FSTL5: variants seen among roughly 807,000 people sequenced by gnomAD.
The protein encoded by FSTL5 is follistatin like 5.
In FSTL5, 62 loss-of-function variants were observed where a neutral mutation model predicts 89.1. The observed-to-expected ratio is 0.70, with a 90% confidence interval of 0.57 to 0.86. The LOEUF (loss-of-function observed/expected upper bound fraction) is 0.86. FSTL5 is among the 40% of genes least tolerant of loss of function. The probability of loss-of-function intolerance (pLI) is 0.00; values close to 1 mark genes in which losing one functional copy is unlikely to be tolerated. For synonymous variants in FSTL5, 383 were observed against 346.2 expected, an observed-to-expected ratio of 1.11 and a Z score of -1.18; for missense variants, 1,057 against 1,001.6, an observed-to-expected ratio of 1.06 and a Z score of -0.75.
chr4:161,890,185 A>T (rs1364720955), intron 4 of FSTL5, among the ~76,000 whole-genome samples: 2 of 152,142 alleles, frequency 1.3e-5, no homozygotes, highest in African/African-American at 4.8e-5. Context: ...AATAGGGATA[A>T]AAGAAAGGAA....
At chr4:161,601,767 G>C (rs1021469933) in intron 7 of FSTL5, among the ~76,000 whole-genome samples, 1 of 152,008 alleles carries the variant, frequency 6.6e-6, no homozygotes, top group Non-Finnish European at 1.5e-5. Flanking sequence ...AAAGGAATAA[G>C]TACATTGTAA....
intron 4 of FSTL5, among the ~76,000 whole-genome samples, chr4:161,906,824 T>C (rs934113878): frequency 6.6e-6 from 1 of 152,128 alleles, no homozygotes; most frequent in Non-Finnish European, 1.5e-5. Flanking sequence ...TAGAATTACA[T>C]GGAAAGGGCA....
intron 6 of FSTL5, among the ~76,000 whole-genome samples, chr4:161,749,724 G>A (rs751584938): frequency 8.8e-4 from 133 of 151,952 alleles, no homozygotes; most frequent in Non-Finnish European, 1.5e-3. Flanking sequence ...CCCGACAGGC[G>A]GAGCTTGCAG....
At chr4:161,406,385 G>A (rs576514251) in intron 15 of FSTL5, among the ~76,000 whole-genome samples, 83 of 152,092 alleles carry the variant, frequency 5.5e-4, no homozygotes, top group African/African-American at 1.9e-3. Flanking sequence ...GATACTTTGC[G>A]TAATTTCAAT....
intron 6 of FSTL5, among the ~76,000 whole-genome samples, chr4:161,752,226 C>CAGATAGAT (rs74281503): frequency 0.045 from 6,301 of 138,992 alleles, 149 homozygotes; most frequent in East Asian, 0.066. Flanking sequence ...GATAGATGGA[C>CAGATAGAT]AGATAGATAG....
At chr4:161,942,073 G>C (rs1255228903) in intron 3 of FSTL5, among the ~76,000 whole-genome samples, 1 of 151,790 alleles carries the variant, frequency 6.6e-6, no homozygotes, top group Admixed American at 6.6e-5. Flanking sequence ...GAGATATTAG[G>C]AAATACTTAG....
chr4:162,083,737 T>C (rs1207326768), intron 2 of FSTL5, among the ~76,000 whole-genome samples: 2 of 151,778 alleles, frequency 1.3e-5, no homozygotes, highest in African/African-American at 2.4e-5. Context: ...CATGTAAAAC[T>C]TTAAGAAATC....
chr4:161,985,442 T>G (rs1407944616), intron 3 of FSTL5, among the ~76,000 whole-genome samples: 1 of 152,072 alleles, frequency 6.6e-6, no homozygotes, highest in Admixed American at 6.6e-5. Context: ...TTTACCCAAT[T>G]ATTCCATCTA....
chr4:161,541,516 C>A (rs921527063), intron 9 of FSTL5, among the ~76,000 whole-genome samples: 7 of 152,044 alleles, frequency 4.6e-5, no homozygotes, highest in Admixed American at 2.6e-4. Context: ...ATGTGTCTGA[C>A]CTACGTATGC....
intron 3 of FSTL5, among the ~76,000 whole-genome samples, chr4:161,974,765 A>T (rs1735585028): frequency 7.2e-6 from 1 of 139,242 alleles, no homozygotes; most frequent in Non-Finnish European, 1.5e-5. Context: ...ATCTAATTAA[A>T]CTAAAGAGCT....
intron 7 of FSTL5, among the ~76,000 whole-genome samples, chr4:161,629,608 G>A (rs776281444): frequency 4.6e-5 from 7 of 152,126 alleles, no homozygotes; most frequent in Non-Finnish European, 1.0e-4. Flanking sequence ...GCCTCTGAAA[G>A]TGCTGGGATT....
chr4:161,842,446 G>A (rs977541634), intron 4 of FSTL5, among the ~76,000 whole-genome samples: 3 of 152,062 alleles, frequency 2.0e-5, no homozygotes. Context: ...CTCTTTATAT[G>A]TGATAAATAT....
chr4:161,789,407 A>T (rs955976822), intron 4 of FSTL5, among the ~76,000 whole-genome samples: 1 of 152,054 alleles, frequency 6.6e-6, no homozygotes, highest in African/African-American at 2.4e-5. Flanking sequence ...GTATTTTATT[A>T]CCCTATAAAT....
intron 6 of FSTL5, among the ~76,000 whole-genome samples, chr4:161,713,948 C>G (rs960936418): frequency 6.6e-6 from 1 of 152,140 alleles, no homozygotes; most frequent in Non-Finnish European, 1.5e-5. Context: ...TTTACACTTT[C>G]AATTAGTATT....
At chr4:162,008,366 TA>T (rs1446020786) in intron 3 of FSTL5, among the ~76,000 whole-genome samples, 1 of 151,916 alleles carries the variant, frequency 6.6e-6, no homozygotes, top group Non-Finnish European at 1.5e-5. Context: ...TAAGATCTAC[TA>T]CTATACTTAT....
At chr4:161,719,545 A>C (rs778022078) in intron 6 of FSTL5, among the ~76,000 whole-genome samples, 1 of 152,198 alleles carries the variant, frequency 6.6e-6, no homozygotes, top group Non-Finnish European at 1.5e-5. Context: ...TAGAAATTTC[A>C]CTGAATCTGT....
intron 8 of FSTL5, among the ~76,000 whole-genome samples, chr4:161,579,405 A>T (rs917670375): frequency 6.6e-6 from 1 of 152,164 alleles, no homozygotes; most frequent in African/African-American, 2.4e-5. Context: ...AGTCAGTACA[A>T]AAAAGGAAAT....
At chr4:161,653,886 C>T (rs964952082) in intron 7 of FSTL5, among the ~76,000 whole-genome samples, 22 of 152,074 alleles carry the variant, frequency 1.4e-4, no homozygotes, top group Admixed American at 1.4e-3. Flanking sequence ...TTTTGAGAAG[C>T]TGATAGTTCT....
rs76446638 is a variant in FSTL5, at chr4:161,874,609, A to G, written c.409+45795T>C. Among the ~76,000 whole-genome samples the G allele has an allele frequency of 1.3e-3, 162 of 127,570 alleles. 5 individuals carry two copies. In the East Asian group the frequency reaches 0.033, roughly 26 times the overall value. The allele number at this position is 127,570 out of a possible 152,430, so 83.7% of individuals were successfully genotyped here. A position where few individuals can be genotyped will look rare whatever the true frequency, so the allele number is the denominator to read the frequency against. ...TTTCTTACTCTATTTTTCTTCTCTC[A>G]GAATCTTTGATGATTTCCATCTCTT... On this transcript the variant is annotated intron_variant, in intron 4 of 15. Transcript: ENST00000306100.
Sources: gnomAD v4.1 joint callset for allele counts (sites outside exome capture counted in the v4.1 genomes callset) on GRCh38, gnomAD v4.1.1 for gene constraint, MANE v1.5 for transcripts, NCBI Gene and HGNC (gene_info 2026-07-23, HGNC 2026-07-21) for gene names.